The following MFHAS1 variants were observed in gnomAD, a reference collection of about 807,000 sequenced individuals.
MFHAS1 encodes multifunctional ROCO family signaling regulator 1.
MFHAS1 carries 50 observed loss-of-function variants against 70.4 expected under a neutral mutation model. That is an observed-to-expected ratio of 0.71 (90% confidence interval 0.57 to 0.90). The LOEUF (loss-of-function observed/expected upper bound fraction) is 0.90, where lower values mean the gene tolerates loss of function less well. MFHAS1 is among the 40% of genes least tolerant of loss of function. MFHAS1 has a pLI of 0.00. For synonymous variants in MFHAS1, 952 were observed against 620.0 expected, an observed-to-expected ratio of 1.54 and a Z score of -7.96; for missense variants, 1,795 against 1,347.6, an observed-to-expected ratio of 1.33 and a Z score of -5.20.
chr8:8,880,730 G>A (rs1231637952), intron 1 of MFHAS1, among the ~76,000 whole-genome samples: 1 of 151,040 alleles, frequency 6.6e-6, no homozygotes, highest in Non-Finnish European at 1.5e-5. Flanking sequence ...TGTCGCCCAG[G>A]TTGGAGTATA....
At chr8:8,861,700 C>G (rs1039423846) in intron 1 of MFHAS1, among the ~76,000 whole-genome samples, 3 of 152,200 alleles carry the variant, frequency 2.0e-5, no homozygotes, top group Non-Finnish European at 4.4e-5. Context: ...CCCGTCACCA[C>G]AAAAAGGTTC....
chr8:8,872,193 C>G (rs948234266), intron 1 of MFHAS1, among the ~76,000 whole-genome samples: 2 of 152,222 alleles, frequency 1.3e-5, no homozygotes, highest in African/African-American at 2.4e-5. Flanking sequence ...CCACCAGATT[C>G]TTCAAAAGCA....
chr8:8,862,969 T>C (rs185470803), intron 1 of MFHAS1, among the ~76,000 whole-genome samples: 1 of 152,362 alleles, frequency 6.6e-6, no homozygotes, highest in East Asian at 1.9e-4. Context: ...GGTAAGACTG[T>C]ATATTTTTAG....
chr8:8,878,447 A>C (rs1458570963), intron 1 of MFHAS1, among the ~76,000 whole-genome samples: 1 of 152,228 alleles, frequency 6.6e-6, no homozygotes, highest in African/African-American at 2.4e-5. Flanking sequence ...CTGTCTCTGC[A>C]ACATGAGAAA....
chr8:8,870,830 T>C (rs1809048388), intron 1 of MFHAS1, among the ~76,000 whole-genome samples: 1 of 152,222 alleles, frequency 6.6e-6, no homozygotes, highest in African/African-American at 2.4e-5. Context: ...CTCTGCCCCA[T>C]GGCTGGTCAC....
intron 1 of MFHAS1, among the ~76,000 whole-genome samples, chr8:8,813,098 C>A (rs1053433536): frequency 6.6e-6 from 1 of 152,120 alleles, no homozygotes. Flanking sequence ...CAATGGTAGA[C>A]CCCACATTTA....
At chr8:8,883,221 T>C (rs545848058) in intron 1 of MFHAS1, among the ~76,000 whole-genome samples, 1 of 152,280 alleles carries the variant, frequency 6.6e-6, no homozygotes, top group African/African-American at 2.4e-5. Flanking sequence ...GCCTACCTGA[T>C]GTGCTTTCCA....
At chr8:8,811,640 C>T (rs73519978) in intron 1 of MFHAS1, among the ~76,000 whole-genome samples, 5,033 of 152,298 alleles carry the variant, frequency 0.033, 147 homozygotes, top group South Asian at 0.12. Flanking sequence ...GCTGATGCTG[C>T]GTCTCCTCTG....
intron 1 of MFHAS1, among the ~76,000 whole-genome samples, chr8:8,862,378 G>T (rs1223799710): frequency 1.7e-5 from 2 of 119,684 alleles, no homozygotes; most frequent in Middle Eastern, 3.9e-3. Flanking sequence ...GGTTGTCTCA[G>T]CTATAAGAGG....
At chr8:8,837,942 GA>G (rs1411508113) in intron 1 of MFHAS1, among the ~76,000 whole-genome samples, 2 of 152,238 alleles carry the variant, frequency 1.3e-5, no homozygotes, top group East Asian at 3.9e-4. Flanking sequence ...TTACTCAGGA[GA>G]AACAATGACA....
intron 1 of MFHAS1, among the ~76,000 whole-genome samples, chr8:8,851,419 G>T (rs553360587): frequency 6.6e-6 from 1 of 152,120 alleles, no homozygotes; most frequent in Non-Finnish European, 1.5e-5. Flanking sequence ...AGAAATGCAT[G>T]GACAGGTTCA....
At chr8:8,828,863 A>C (rs900249005) in intron 1 of MFHAS1, among the ~76,000 whole-genome samples, 1 of 152,068 alleles carries the variant, frequency 6.6e-6, no homozygotes, top group Non-Finnish European at 1.5e-5. Flanking sequence ...TTCCTTAGAG[A>C]CTAGTGGCCG....
At chr8:8,871,316 G>A (rs184293296) in intron 1 of MFHAS1, among the ~76,000 whole-genome samples, 15 of 152,320 alleles carry the variant, frequency 9.8e-5, no homozygotes, top group South Asian at 2.1e-4. Context: ...CTGGGAGGCC[G>A]AGGGGGCTGG....
rs776447666 is a variant in MFHAS1 at position 8,891,909 on chromosome 8, C to A, written c.1150G>T (p.Val384Phe). 2 of 1,610,594 alleles carry A rather than the reference C, an allele frequency of 1.2e-6. No individual in the cohort carries two copies. Among genetic ancestry groups the A allele is most frequent in the Non-Finnish European group, 1.7e-6 (2 of 1,178,160 alleles). The part of the protein sequence containing the change: ...DNPLIQPPYE[V>F]CMKGIPYIAA... ...ATGTAGGGGATCCCCTTCATGCAGA[C>A]CTCGTAGGGGGGCTGGATCAGTGGG... is the stretch of plus-strand genomic sequence containing the variant. Residue 384 changes from valine (V) to phenylalanine (F), a missense_variant, in exon 1 of 3, where the codon GTC (valine) becomes TTC (phenylalanine). By Grantham distance (50) the Val-to-Phe change is conservative. Coordinates refer to ENST00000276282, the MANE Select transcript of MFHAS1 (RefSeq NM_004225.3). The surrounding 1 kb of genome is among the most constrained non-coding windows in gnomAD (Gnocchi z 5.4).
intron 1 of MFHAS1, among the ~76,000 whole-genome samples, chr8:8,823,581 G>A (rs1486621858): frequency 6.6e-6 from 1 of 151,668 alleles, no homozygotes; most frequent in Non-Finnish European, 1.5e-5. Flanking sequence ...TAATTTTCTA[G>A]GCTTCATAAA....
Position 8,893,105 on chromosome 8 carries a change from G to T in MFHAS1, c.-47C>A, listed in dbSNP as rs1018239004. The T allele has an allele frequency of 1.5e-6, 2 of 1,336,200 alleles. No individual in the cohort carries two copies. Among genetic ancestry groups the T allele is most frequent in the East Asian group, 6.2e-5 (2 of 32,388 alleles). The allele number at this position is 1,336,200 out of a possible 1,614,324, so 82.8% of individuals were successfully genotyped here. On this transcript the variant is annotated 5_prime_UTR_variant, in exon 1 of 3. The change creates a new upstream start codon in the 5' untranslated region. Coordinates refer to ENST00000276282, the MANE Select transcript of MFHAS1 (RefSeq NM_004225.3). Reference sequence around the variant, plus strand: ...CCTCACGCGGACGCGGGAGCCCGCAGCTACATGCCGCGCCGCGCCCCGGGC... The same window carrying T: ...CCTCACGCGGACGCGGGAGCCCGCATCTACATGCCGCGCCGCGCCCCGGGC...
At chr8:8,790,046 A>T (rs1275901281) in intron 2 of MFHAS1, among the ~76,000 whole-genome samples, 1 of 152,128 alleles carries the variant, frequency 6.6e-6, no homozygotes, top group South Asian at 2.1e-4. Context: ...TTATTTCTGC[A>T]TAATATTAAC....
intron 1 of MFHAS1, among the ~76,000 whole-genome samples, chr8:8,836,873 T>C (rs1434502906): frequency 6.6e-6 from 1 of 152,242 alleles, no homozygotes; most frequent in African/African-American, 2.4e-5. Context: ...ACCTTTCTTC[T>C]TTCCTCTTTT....
chr8:8,829,110 T>G (rs542943420), intron 1 of MFHAS1, among the ~76,000 whole-genome samples: 1 of 152,318 alleles, frequency 6.6e-6, no homozygotes, highest in East Asian at 1.9e-4. Context: ...TCCTTGCTAC[T>G]TTAACATAAG....
Sources: allele counts gnomAD v4.1 joint callset (sites outside exome capture counted in the v4.1 genomes callset), GRCh38; gene constraint gnomAD v4.1.1; non-coding constraint Gnocchi (gnomAD v3.1); transcripts MANE v1.5; gene names NCBI Gene and HGNC (gene_info 2026-07-23, HGNC 2026-07-21).